The following COL20A1 variants were observed in gnomAD, a reference collection of about 807,000 sequenced individuals.
The protein encoded by COL20A1 is collagen type XX alpha 1 chain, also known as collagen alpha-1(XX) chain.
COL20A1 carries 164 observed loss-of-function variants against 152.9 expected under a neutral mutation model. That is an observed-to-expected ratio of 1.07 (90% CI 0.94 to 1.22). COL20A1 has a LOEUF of 1.22. Ranked by LOEUF, COL20A1 falls within the 50% of genes most tolerant of loss-of-function variation. The probability of loss-of-function intolerance (pLI) is 0.00; values close to 1 mark genes in which losing one functional copy is unlikely to be tolerated. For synonymous variants in COL20A1, 864 were observed against 756.0 expected (o/e 1.14, Z -2.34); for missense variants, 1,873 against 1,744.8 (o/e 1.07, Z -1.31).
In COL20A1 at chr20:63,329,035, G is replaced by A. The variant is rs187013135; in HGVS notation, c.3781+537G>A. ...GCTGGAGCTGGAGAGGGGCGTCCAC[G>A]GGGAGAACAGACGGGGGATGACCCA... On this transcript the variant is annotated intron_variant, in intron 34 of 35. Coordinates refer to ENST00000358894, the MANE Select transcript of COL20A1 (RefSeq NM_020882.4). The A allele has an allele frequency of 6.7e-4, 114 of 169,654 alleles. 1 individual carries two copies. Among genetic ancestry groups the A allele is most frequent in the African/African-American group, 2.4e-3 (100 of 41,774 alleles). 10.5% of individuals were successfully genotyped at this position (169,654 alleles called of 1,614,324 possible).
chr20:63,333,542 C>T lies in COL20A1; in HGVS notation c.*2826C>T, dbSNP rs778752091. Reference sequence around the variant, plus strand: ...CTCTGCCTGAGGCCCCAAGAGCGACCTTGGAAGCTCCAGGCCTTCACAGCC... The same window carrying T: ...CTCTGCCTGAGGCCCCAAGAGCGACTTTGGAAGCTCCAGGCCTTCACAGCC... On this transcript the variant is annotated 3_prime_UTR_variant, in exon 36 of 36. Transcript: ENST00000358894. 29 of 152,338 alleles carry T rather than the reference C, an allele frequency of 1.9e-4. No individual in the cohort carries two copies. Among genetic ancestry groups the T allele is most frequent in the Non-Finnish European group, 3.1e-4 (21 of 68,032 alleles). 9.4% of individuals were successfully genotyped at this position (152,338 alleles called of 1,614,324 possible).
chr20:63,307,523 C>T lies in COL20A1; in HGVS notation c.530C>T (p.Pro177Leu), dbSNP rs746662168. Residue 177 changes from proline to leucine, a missense_variant, in exon 6 of 36, where the codon CCT becomes CTT. Pro to Leu is a moderately conservative substitution (Grantham distance 98). Transcript: ENST00000358894. ...GPQFRCLPPV[P>L]ADMVFLVDGS... ...CAGTTCCGCTGCCTGCCCCCCGTGC[C>T]TGCTGACATGGTCTTCCTGGTGGAC... The T allele has an allele frequency of 1.4e-5, 23 of 1,612,386 alleles. No individual in the cohort carries two copies. Among genetic ancestry groups the T allele is most frequent in the Admixed American group, 3.3e-5 (2 of 59,984 alleles).
At chr20:63,294,715 C>G (rs2067764661) in intron 1 of COL20A1, among the ~76,000 whole-genome samples, 1 of 152,218 alleles carries the variant, frequency 6.6e-6, no homozygotes, top group Non-Finnish European at 1.5e-5. Flanking sequence ...CGCCCCTTGC[C>G]TCAGCCCTCC....
chr20:63,309,498 G>C lies in COL20A1; in HGVS notation c.1105+1G>C. On this transcript the variant is annotated splice_donor_variant, in intron 9 of 35. Transcript: ENST00000358894. LOFTEE classifies it high-confidence loss of function. ...GGTGGGAGCCCGCGGCAGGGCCCAG[G>C]TGAGGGGCAGGGTCACCCGCACAGG... 1 of 1,512,366 alleles carries C rather than the reference G, an allele frequency of 6.6e-7. No individual in the cohort carries two copies. The highest frequency in any genetic ancestry group is 1.2e-5 in the South Asian group (1 of 81,322). 93.7% of individuals were successfully genotyped at this position (1,512,366 alleles called of 1,614,324 possible).
In COL20A1 at chr20:63,308,061, TCCG is replaced by T. The variant is rs755794517; in HGVS notation, c.748_750del (p.Arg250del). On this transcript the variant is annotated inframe_deletion, in exon 7 of 36. Transcript: ENST00000358894. Reference sequence around the variant, plus strand: ...CAGGTGCTGGCAGCTGTGCGCCGCCTCCGCTACAAGGGGGGGAACACGTTCACA... The same window carrying T: ...CAGGTGCTGGCAGCTGTGCGCCGCCTCTACAAGGGGGGGAACACGTTCACA... 2.6e-5 allele frequency: 42 copies of T among 1,612,292 alleles called. No homozygotes were observed. Among genetic ancestry groups the T allele is most frequent in the Admixed American group, 5.0e-5 (3 of 59,964 alleles).
chr20:63,315,314 T>A (rs1188646814), intron 19 of COL20A1, 90 bp from the exon 20 acceptor site: 3 of 1,241,424 alleles, frequency 2.4e-6, no homozygotes, highest in Non-Finnish European at 3.4e-6. Context: ...GGCTGGGGCA[T>A]CGTCCATGAA....
In COL20A1 at chr20:63,328,505, G is replaced by C. The variant is rs1489262318; in HGVS notation, c.3781+7G>C. 2 of 1,602,790 alleles carry C rather than the reference G, an allele frequency of 1.2e-6. No individual in the cohort carries two copies. Among genetic ancestry groups the C allele is most frequent in the Non-Finnish European group, 1.7e-6 (2 of 1,173,890 alleles). ...CGCCACCTTGAGGGCAGAGGTACTGGGCTCCTGGCTCTTGGGGAGGGAGTT... is the reference window on the plus strand; with the variant it reads ...CGCCACCTTGAGGGCAGAGGTACTGCGCTCCTGGCTCTTGGGGAGGGAGTT... On this transcript the variant is annotated splice_region_variant and intron_variant, in intron 34 of 35. Transcript: ENST00000358894.
At position 63,305,119 on chromosome 20, in the gene COL20A1, C is replaced by T. The variant is rs1267321048; in HGVS notation, c.194-298C>T. 6.6e-6 allele frequency among the ~76,000 whole-genome samples: 1 copy of T among 152,158 alleles called. No homozygotes were observed. The highest frequency in any genetic ancestry group is 1.9e-4 in the East Asian group (1 of 5,186). On this transcript the variant is annotated intron_variant, in intron 3 of 35. Transcript: ENST00000358894. The surrounding 1 kb of genome is among the most constrained non-coding windows in gnomAD (Gnocchi z 4.9). Reference sequence around the variant, plus strand: ...TCCCCTCCCTGGGCAGCCCTGTCTTCATACCTTGACAGTATCTCTGAGGGT... The same window carrying T: ...TCCCCTCCCTGGGCAGCCCTGTCTTTATACCTTGACAGTATCTCTGAGGGT...
intron 9 of COL20A1, 32 bp downstream of exon 9, chr20:63,309,529 GC>G (rs754885601): frequency 2.1e-5 from 31 of 1,463,128 alleles, no homozygotes; most frequent in African/African-American, 1.3e-4. Context: ...ACAGGCTGCA[GC>G]CCCCCCGGCT....
In COL20A1 at chr20:63,308,061, T is replaced by C. The variant is rs1416669309; in HGVS notation, c.746T>C (p.Leu249Pro). ...KEQVLAAVRR[L>P]RYKGGNTFTG... ...CAGGTGCTGGCAGCTGTGCGCCGCC[T>C]CCGCTACAAGGGGGGGAACACGTTC... Residue 249 changes from leucine (L) to proline (P), a missense_variant, in exon 7 of 36, where the codon CTC becomes CCC. Leu to Pro is a moderately conservative substitution (Grantham distance 98). Transcript: ENST00000358894. 3.1e-6 allele frequency: 5 copies of C among 1,612,292 alleles called. No homozygotes were observed. The highest frequency in any genetic ancestry group is 4.2e-6 in the Non-Finnish European group (5 of 1,179,772).
rs916765637 is a variant in COL20A1, at chr20:63,313,975, A to G, written c.2358+84A>G. ...GGCCACACTGTCTGCGAAGGGTGGCAGCTCTGCCATGGCGGGACGCAGAGG... is the reference window on the plus strand; with the variant it reads ...GGCCACACTGTCTGCGAAGGGTGGCGGCTCTGCCATGGCGGGACGCAGAGG... On this transcript the variant is annotated intron_variant, in intron 18 of 35. Coordinates refer to ENST00000358894, the MANE Select transcript of COL20A1 (RefSeq NM_020882.4). The surrounding 1 kb of genome is among the most constrained non-coding windows in gnomAD (Gnocchi z 5.9). 4 of 1,596,196 alleles carry G rather than the reference A, an allele frequency of 2.5e-6. No individual in the cohort carries two copies. The highest frequency in any genetic ancestry group is 3.4e-6 in the Non-Finnish European group (4 of 1,171,000).
Position 63,305,487 on chromosome 20 carries a change from C to T in COL20A1, c.264C>T (p.Ser88=), listed in dbSNP as rs764497832. 88 of 1,606,666 alleles carry T rather than the reference C, an allele frequency of 5.5e-5. No individual in the cohort carries two copies. The highest frequency in any genetic ancestry group is 7.1e-5 in the Non-Finnish European group (84 of 1,177,130). The change falls in exon 4 of 36, where the codon TCC becomes TCT. Residue 88 remains serine (S), a synonymous_variant. Coordinates refer to ENST00000358894, the MANE Select transcript of COL20A1 (RefSeq NM_020882.4). The surrounding 1 kb of genome is among the most constrained non-coding windows in gnomAD (Gnocchi z 4.9). The part of the protein sequence containing the change: ...PKATVGGLSP[S]KGYTLQIFEL... ...CCACAGTGGGGGGCCTGAGCCCCTC[C>T]AAGGGCTACACCTTGCAGATCTTCG...
At position 63,305,851 on chromosome 20, in the gene COL20A1, AC is replaced by A; in HGVS notation, c.338-27del. The A allele has an allele frequency of 6.2e-7, 1 of 1,611,242 alleles. No homozygotes were observed. The highest frequency in any genetic ancestry group is 8.5e-7 in the Non-Finnish European group (1 of 1,178,682). ...CCAGTGGACCAGGCCCTCCACTCCC[AC>A]CCTGATGGCTCTTTGTGTCTCCCTG... is the stretch of plus-strand genomic sequence containing the variant. On this transcript the variant is annotated intron_variant, in intron 4 of 35. Transcript: ENST00000358894. This position sits in a 1 kb window ranked among gnomAD's most constrained non-coding sequence, Gnocchi z 4.9.
At chr20:63,327,737 C>T in intron 31 of COL20A1, 1 of 596,166 alleles carries the variant, frequency 1.7e-6, no homozygotes, top group South Asian at 2.0e-5. Context: ...CCACTCAGGA[C>T]TCTGCTGCAG....
intron 27 of COL20A1, among the ~76,000 whole-genome samples, chr20:63,323,832 T>C (rs1048636706): frequency 3.3e-5 from 5 of 152,236 alleles, no homozygotes; most frequent in African/African-American, 1.2e-4. Flanking sequence ...CTGGCTCTCT[T>C]TGCTTATTTC....
chr20:63,312,276 C>G, intron 14 of COL20A1, 144 bp from the exon 15 acceptor site: 1 of 1,145,046 alleles, frequency 8.7e-7, no homozygotes, highest in Non-Finnish European at 1.2e-6. Flanking sequence ...TGTTGCCCTC[C>G]CATCCCTCAG....
rs771519079 is a variant in COL20A1, at chr20:63,305,175, T to G, written c.194-242T>G. On this transcript the variant is annotated intron_variant, in intron 3 of 35. Transcript: ENST00000358894. This position sits in a 1 kb window ranked among gnomAD's most constrained non-coding sequence, Gnocchi z 4.9. ...GCTTCTCACCTCACCATGCGGCGGA[T>G]TCCTCTAGGGGGGTTTAGTAAGTGA... Among the ~76,000 whole-genome samples the G allele has an allele frequency of 2.5e-4, 38 of 152,036 alleles. No homozygotes were observed. The highest frequency in any genetic ancestry group is 5.3e-4 in the Non-Finnish European group (36 of 68,002).
At chr20:63,302,443 C>T (rs1286638131) in intron 3 of COL20A1, among the ~76,000 whole-genome samples, 1 of 152,196 alleles carries the variant, frequency 6.6e-6, no homozygotes, top group African/African-American at 2.4e-5. Flanking sequence ...GCCTCAGCCT[C>T]CTGAGTAGCT....
At chr20:63,310,742 T>C (rs2067993986) in intron 11 of COL20A1, among the ~76,000 whole-genome samples, 1 of 152,078 alleles carries the variant, frequency 6.6e-6, no homozygotes, top group Admixed American at 6.5e-5. Context: ...ACCTCAACTG[T>C]AATCACAGCC....
Sources: allele counts gnomAD v4.1 joint callset (sites outside exome capture counted in the v4.1 genomes callset), GRCh38; gene constraint gnomAD v4.1.1; non-coding constraint Gnocchi (gnomAD v3.1); transcripts MANE v1.5; gene names NCBI Gene and HGNC (gene_info 2026-07-23, HGNC 2026-07-21).